The following FGR variants were observed in gnomAD, a reference collection of about 807,000 sequenced individuals.
The protein encoded by FGR is FGR proto-oncogene, Src family tyrosine kinase.
Under a neutral mutation model 63.2 loss-of-function variants are expected in FGR, and 26 were observed. The observed-to-expected ratio is 0.41, with a 90% CI of 0.30 to 0.57. The LOEUF (loss-of-function observed/expected upper bound fraction) is 0.57, where lower values mean the gene tolerates loss of function less well. Ranked by LOEUF, FGR falls within the 20% of genes least tolerant of loss-of-function variation. FGR has a pLI of 0.27. For missense variants in FGR, 511 were observed against 690.8 expected (o/e 0.74, Z 2.92); for synonymous variants, 286 against 277.7 (o/e 1.03, Z -0.30).
chr1:27,615,173 C>T lies in FGR; in HGVS notation c.1019-247G>A, dbSNP rs2089781830. Among the ~76,000 whole-genome samples the T allele has an allele frequency of 6.6e-6, 1 of 152,032 alleles. No individual in the cohort carries two copies. Among genetic ancestry groups the T allele is most frequent in the African/African-American group, 2.4e-5 (1 of 41,362 alleles). On this transcript the variant is annotated intron_variant, in intron 9 of 12. Coordinates refer to ENST00000374005, the MANE Select transcript of FGR (RefSeq NM_005248.3). The surrounding 1 kb of genome is among the most constrained non-coding windows in gnomAD (Gnocchi z 7.6). ...CCACCCAGACTCCGCCCCAGACCCTCCCTCATTCCCGATTCTGCCTTCGTT... is the reference window on the plus strand; with the variant it reads ...CCACCCAGACTCCGCCCCAGACCCTTCCTCATTCCCGATTCTGCCTTCGTT...
intron 1 of FGR, among the ~76,000 whole-genome samples, chr1:27,629,763 G>A (rs1380914136): frequency 6.6e-6 from 1 of 152,210 alleles, no homozygotes; most frequent in Admixed American, 6.5e-5. Context: ...CTTATTTGGT[G>A]AACCTATGAG....
intron 1 of FGR, among the ~76,000 whole-genome samples, chr1:27,630,133 AC>A (rs1252861464): frequency 6.6e-6 from 1 of 151,936 alleles, no homozygotes; most frequent in Non-Finnish European, 1.5e-5. Flanking sequence ...GCTCACTGCA[AC>A]CTCCGCCTCC....
At chr1:27,628,682 C>T (rs1557739734) in intron 1 of FGR, among the ~76,000 whole-genome samples, 1 of 152,166 alleles carries the variant, frequency 6.6e-6, no homozygotes, top group Admixed American at 6.5e-5. Context: ...ATAATACCCA[C>T]GTATATATTG....
chr1:27,624,286 A>C (rs1308115752), intron 2 of FGR, among the ~76,000 whole-genome samples: 4 of 152,184 alleles, frequency 2.6e-5, no homozygotes, highest in Non-Finnish European at 5.9e-5. Context: ...CCCAGGCTGG[A>C]GTGCAGTGGC....
chr1:27,630,646 C>G (rs1326924087), intron 1 of FGR, among the ~76,000 whole-genome samples: 1 of 152,008 alleles, frequency 6.6e-6, no homozygotes, highest in Admixed American at 6.6e-5. Context: ...TCTGAAGAAG[C>G]CAGGTCTCTC....
intron 5 of FGR, among the ~76,000 whole-genome samples, chr1:27,619,188 T>TTTAA (rs899852279): frequency 6.6e-6 from 1 of 152,168 alleles, no homozygotes; most frequent in Non-Finnish European, 1.5e-5. Context: ...TTTAAAAATT[T>TTTAA]TTAATTAATT....
chr1:27,622,580 A>T (rs1237907356), intron 4 of FGR, among the ~76,000 whole-genome samples: 1 of 151,900 alleles, frequency 6.6e-6, no homozygotes, highest in African/African-American at 2.4e-5. Flanking sequence ...ATCTCAGCTC[A>T]CTGCAACCTC....
chr1:27,631,735 A>C (rs1304090551), intron 1 of FGR, among the ~76,000 whole-genome samples: 1 of 152,134 alleles, frequency 6.6e-6, no homozygotes, highest in Non-Finnish European at 1.5e-5. Flanking sequence ...AGGGTACAGA[A>C]CTGGGCAGGG....
Position 27,628,787 on chromosome 1 carries a change from T to C in FGR, c.-76-3636A>G, listed in dbSNP as rs553905078. On this transcript the variant is annotated intron_variant, in intron 1 of 12. Coordinates refer to ENST00000374005, the MANE Select transcript of FGR (RefSeq NM_005248.3). The stretch of plus-strand genomic sequence containing the variant: ...GACTATCAGCATCTGAGAAGGAAGC[T>C]CTGTGGGCTCAGGAAGAGCCCTGGC... Among the ~76,000 whole-genome samples, 4 of 152,252 alleles carry C rather than the reference T, an allele frequency of 2.6e-5. No individual in the cohort carries two copies. The South Asian group carries it at 8.3e-4, about 32-fold the overall frequency.
At chr1:27,626,135 G>A (rs773158364) in intron 1 of FGR, 19 of 398,548 alleles carry the variant, frequency 4.8e-5, no homozygotes, top group Non-Finnish European at 8.0e-5. Flanking sequence ...CCCACAATGA[G>A]CCAACCCTTT....
intron 5 of FGR, among the ~76,000 whole-genome samples, chr1:27,620,054 T>C (rs1453207929): frequency 2.0e-5 from 3 of 152,230 alleles, no homozygotes; most frequent in African/African-American, 2.4e-5. Flanking sequence ...CGGTGGCTCA[T>C]GCCTGTAATC....
In FGR at chr1:27,614,840, GC is replaced by G. The variant is rs1429158358; in HGVS notation, c.1095+9del. 6.3e-7 allele frequency: 1 copy of G among 1,580,552 alleles called. No individual in the cohort carries two copies. The highest frequency in any genetic ancestry group is 1.3e-5 in the African/African-American group (1 of 74,134). On this transcript the variant is annotated intron_variant, in intron 10 of 12. Coordinates refer to ENST00000374005, the MANE Select transcript of FGR (RefSeq NM_005248.3). ...GAGGTCCGGGAGGTAAAGGCTGCTG[GC>G]CCAGTTACCTGGGCTGCCATGTCCA...
intron 1 of FGR, among the ~76,000 whole-genome samples, chr1:27,628,704 C>G (rs1002927549): frequency 6.6e-6 from 1 of 152,216 alleles, no homozygotes; most frequent in Admixed American, 6.5e-5. Context: ...CACAACATAT[C>G]TATATCAGAT....
At chr1:27,624,186 A>T in intron 2 of FGR, 1 of 432,574 alleles carries the variant, frequency 2.3e-6, no homozygotes, top group Non-Finnish European at 4.1e-6. Flanking sequence ...GGCTTTCTAC[A>T]TTGGGATATT....
In FGR at chr1:27,623,127, A is replaced by G. The variant is rs1272573454; in HGVS notation, c.244T>C (p.Phe82Leu). Reference protein sequence around the residue: ...RGVSGIGVTLFIALYDYEART... With the variant: ...RGVSGIGVTLLIALYDYEART... Reference sequence around the variant, plus strand: ...GCCTCATAGTCATACAGGGCAATGAACAGGGTCACCCCAATCCCTGCAGAG... The same window carrying G: ...GCCTCATAGTCATACAGGGCAATGAGCAGGGTCACCCCAATCCCTGCAGAG... The change falls in exon 4 of 13, where the codon TTC (phenylalanine) becomes CTC (leucine). Residue 82 changes from phenylalanine to leucine, a missense_variant. Transcript: ENST00000374005. 2 of 1,613,962 alleles carry G rather than the reference A, an allele frequency of 1.2e-6. No individual in the cohort carries two copies. Among genetic ancestry groups the G allele is most frequent in the Non-Finnish European group, 1.7e-6 (2 of 1,179,836 alleles).
chr1:27,629,475 C>G (rs1031325730), intron 1 of FGR, among the ~76,000 whole-genome samples: 10 of 150,646 alleles, frequency 6.6e-5, no homozygotes, highest in African/African-American at 2.5e-4. Flanking sequence ...GAGATAGAAA[C>G]AGAGAGAGGC....
chr1:27,625,666 C>A (rs1281250553), intron 1 of FGR, among the ~76,000 whole-genome samples: 1 of 152,184 alleles, frequency 6.6e-6, no homozygotes, highest in South Asian at 2.1e-4. Context: ...TCCGGCCAGG[C>A]GCAGTGGCTC....
chr1:27,622,905 A>G, intron 4 of FGR, 137 bp downstream of exon 4: 2 of 648,390 alleles, frequency 3.1e-6, no homozygotes, highest in South Asian at 3.5e-5. Flanking sequence ...AGTTGCAGTC[A>G]CCCAGGGTTT....
chr1:27,622,777 A>G (rs113233549), intron 4 of FGR, among the ~76,000 whole-genome samples: 15,574 of 152,212 alleles, frequency 0.1, 2,166 homozygotes, highest in African/African-American at 0.32. Context: ...AAGTGCTGGG[A>G]TTACAGGCAT....
Sources: gnomAD v4.1 joint callset for allele counts (sites outside exome capture counted in the v4.1 genomes callset) on GRCh38, gnomAD v4.1.1 for gene constraint, Gnocchi (gnomAD v3.1) non-coding constraint, MANE v1.5 for transcripts, NCBI Gene and HGNC (gene_info 2026-07-23, HGNC 2026-07-21) for gene names.